Variants in ATP8B4 observed in about 807,000 individuals in gnomAD.
ATP8B4 encodes ATPase phospholipid transporting 8B4 (putative), also known as probable phospholipid-transporting ATPase IM.
In ATP8B4, 133 loss-of-function variants were observed where a neutral mutation model predicts 145.6. The observed-to-expected ratio is 0.91, with a 90% CI of 0.79 to 1.05. The LOEUF is 1.05. ATP8B4 is among the 50% of genes least tolerant of loss of function. ATP8B4 has a pLI of 0.00. For synonymous variants in ATP8B4, 507 were observed against 492.9 expected (o/e 1.03, Z -0.38); for missense variants, 1,458 against 1,425.2 (o/e 1.02, Z -0.37).
Position 49,860,050 on chromosome 15 carries a change from T to C in ATP8B4, c.*144A>G. On this transcript the variant is annotated 3_prime_UTR_variant, in exon 28 of 28. Transcript: ENST00000284509. ...GCGCACACTCCTGTTTGATGGGCACTGGCAGTTGTCTGCCGCAGATTTAAG... is the reference window on the plus strand; with the variant it reads ...GCGCACACTCCTGTTTGATGGGCACCGGCAGTTGTCTGCCGCAGATTTAAG... The C allele has an allele frequency of 3.1e-6, 3 of 974,124 alleles. No homozygotes were observed. The highest frequency in any genetic ancestry group is 3.0e-6 in the Non-Finnish European group (2 of 661,700). The allele number at this position is 974,124 out of a possible 1,614,324, so 60.3% of individuals were successfully genotyped here. A position where few individuals can be genotyped will look rare whatever the true frequency, so the allele number is the denominator to read the frequency against.
intron 14 of ATP8B4, among the ~76,000 whole-genome samples, chr15:49,950,564 G>A (rs1403706622): frequency 3.1e-5 from 4 of 130,168 alleles, no homozygotes; most frequent in African/African-American, 1.2e-4. Context: ...TTCTTTTTTA[G>A]TCTAGCTAGC....
chr15:49,990,701 G>A (rs2046979548), intron 9 of ATP8B4, among the ~76,000 whole-genome samples: 1 of 152,068 alleles, frequency 6.6e-6, no homozygotes, highest in South Asian at 2.1e-4. Flanking sequence ...CATAAAAATG[G>A]AACTCAGTGC....
chr15:49,960,401 T>C (rs1032896671), intron 14 of ATP8B4, among the ~76,000 whole-genome samples: 2 of 152,164 alleles, frequency 1.3e-5, no homozygotes, highest in African/African-American at 4.8e-5. Context: ...GTAATAGACC[T>C]AGTACACAAG....
chr15:49,917,650 T>C (rs1365114995), intron 19 of ATP8B4, among the ~76,000 whole-genome samples: 1 of 152,168 alleles, frequency 6.6e-6, no homozygotes, highest in African/African-American at 2.4e-5. Context: ...TGTTGGGTAA[T>C]TCTTCCTCTA....
At chr15:50,085,676 G>A (rs2054857754) in intron 2 of ATP8B4, among the ~76,000 whole-genome samples, 1 of 151,114 alleles carries the variant, frequency 6.6e-6, no homozygotes, top group Non-Finnish European at 1.5e-5. Context: ...AAAATTATAT[G>A]TGTAAGATTT....
chr15:50,112,499 C>T (rs2153672462), intron 1 of ATP8B4, among the ~76,000 whole-genome samples: 1 of 152,146 alleles, frequency 6.6e-6, no homozygotes, highest in African/African-American at 2.4e-5. Flanking sequence ...GTGCCCAACC[C>T]CAGATCTCCT....
chr15:50,072,926 CTCTCTCTCTCTCTCTCT>C (rs2053852618), intron 3 of ATP8B4, among the ~76,000 whole-genome samples: 3 of 9,566 alleles, frequency 3.1e-4, no homozygotes, highest in African/African-American at 1.1e-3. Flanking sequence ...CCCGGCCTCT[CTCTCTCTCTCTCTCTCT>C]CTCTCTCTCT....
intron 4 of ATP8B4, among the ~76,000 whole-genome samples, chr15:50,045,803 T>A (rs981951118): frequency 5.9e-5 from 9 of 152,216 alleles, no homozygotes; most frequent in African/African-American, 2.2e-4. Flanking sequence ...AAATATAAAA[T>A]TCTATGAACA....
intron 14 of ATP8B4, among the ~76,000 whole-genome samples, chr15:49,942,919 A>G (rs1238002211): frequency 2.0e-5 from 3 of 152,214 alleles, no homozygotes; most frequent in East Asian, 3.8e-4. Context: ...CTGGCAAATA[A>G]TTCAAAATAG....
chr15:50,086,013 T>C (rs1338802040), intron 2 of ATP8B4, among the ~76,000 whole-genome samples: 2 of 71,830 alleles, frequency 2.8e-5, no homozygotes, highest in Non-Finnish European at 2.5e-5. Flanking sequence ...ATATAATATA[T>C]ATAGATCTAT....
intron 11 of ATP8B4, 99 bp downstream of exon 11, chr15:49,981,107 C>T: frequency 1.9e-6 from 2 of 1,034,880 alleles, no homozygotes; most frequent in Admixed American, 2.4e-5. Flanking sequence ...AAACAAACTC[C>T]ACAAGGAGAA....
At chr15:50,040,456 C>T (rs2051190182) in intron 5 of ATP8B4, among the ~76,000 whole-genome samples, 1 of 152,192 alleles carries the variant, frequency 6.6e-6, no homozygotes, top group Non-Finnish European at 1.5e-5. Context: ...CCAATCCACC[C>T]AATTTCAGGA....
chr15:49,944,678 A>G (rs2042423409), intron 14 of ATP8B4, among the ~76,000 whole-genome samples: 1 of 152,150 alleles, frequency 6.6e-6, no homozygotes, highest in Non-Finnish European at 1.5e-5. Context: ...TCAATAAGGA[A>G]ACAGAGGACT....
chr15:50,177,353 C>T (rs2044778648), intron 1 of ATP8B4, among the ~76,000 whole-genome samples: 1 of 152,232 alleles, frequency 6.6e-6, no homozygotes. Flanking sequence ...CTTCAAGTCT[C>T]ACAATCTTTT....
intron 16 of ATP8B4, among the ~76,000 whole-genome samples, chr15:49,930,370 A>T (rs1276619387): frequency 3.9e-5 from 6 of 152,046 alleles, no homozygotes; most frequent in African/African-American, 1.4e-4. Flanking sequence ...TGAGAACTTG[A>T]GGAAACAGCC....
At chr15:49,991,947 TC>T (rs1366013274) in intron 9 of ATP8B4, among the ~76,000 whole-genome samples, 1 of 152,178 alleles carries the variant, frequency 6.6e-6, no homozygotes, top group African/African-American at 2.4e-5. Context: ...GTGCTAATTT[TC>T]CCTAACCCTC....
At chr15:50,113,568 G>A (rs534520896) in intron 1 of ATP8B4, among the ~76,000 whole-genome samples, 264 of 152,268 alleles carry the variant, frequency 1.7e-3, no homozygotes, top group African/African-American at 6.2e-3. Flanking sequence ...GCCAGGAGCG[G>A]TGGCTCACAC....
intron 14 of ATP8B4, among the ~76,000 whole-genome samples, chr15:49,960,759 A>G (rs186888584): frequency 6.6e-6 from 1 of 152,318 alleles, no homozygotes; most frequent in Admixed American, 6.5e-5. Flanking sequence ...TCACAGACAA[A>G]TACTTATTTT....
Position 50,085,911 on chromosome 15 carries a change from T to A in ATP8B4, c.29-11726A>T, listed in dbSNP as rs12904511. 2.3e-3 allele frequency among the ~76,000 whole-genome samples: 214 copies of A among 91,970 alleles called. 2 individuals are homozygous for A. The highest frequency in any genetic ancestry group is 0.011 in the African/African-American group (194 of 18,392). 60.3% of individuals were successfully genotyped at this position (91,970 alleles called of 152,430 possible). On this transcript the variant is annotated intron_variant, in intron 2 of 27. Transcript: ENST00000284509. ...TATATATGATATATATCATATATAT[T>A]TATATATGATATATATCATATATAT...
Sources: allele counts gnomAD v4.1 joint callset (sites outside exome capture counted in the v4.1 genomes callset), GRCh38; gene constraint gnomAD v4.1.1; transcripts MANE v1.5; gene names NCBI Gene and HGNC (gene_info 2026-07-23, HGNC 2026-07-21).